SMARCB1: variants seen among roughly 807,000 people sequenced by gnomAD.
SMARCB1 encodes the protein SWI/SNF-related matrix-associated actin-dependent regulator of chromatin subfamily B member 1.
A neutral mutation model predicts 49.0 loss-of-function variants in SMARCB1; 5 were observed. The ratio of observed to expected loss-of-function variants is 0.10; its 90% confidence interval spans 0.05 to 0.21. SMARCB1 has a LOEUF of 0.21. Among genes scored for constraint, SMARCB1 ranks in the 10% least tolerant of loss-of-function variants. SMARCB1 has a pLI of 1.00. For synonymous variants in SMARCB1, 201 were observed against 200.1 expected, an observed-to-expected ratio of 1.00 and a Z score of -0.04; for missense variants, 226 against 509.2, an observed-to-expected ratio of 0.44 and a Z score of 5.35.
At chr22:23,791,464 A>G (rs1328802010) in intron 1 of SMARCB1, among the ~76,000 whole-genome samples, 1 of 152,258 alleles carries the variant, frequency 6.6e-6, no homozygotes, top group Non-Finnish European at 1.5e-5. Flanking sequence ...CCTTAGTCCA[A>G]AATCAAAATC....
At chr22:23,811,982 A>G (rs968072948) in intron 5 of SMARCB1, among the ~76,000 whole-genome samples, 2 of 152,338 alleles carry the variant, frequency 1.3e-5, no homozygotes, top group South Asian at 2.1e-4. Context: ...ATGAAATGGG[A>G]TGTCACCACA....
intron 2 of SMARCB1, chr22:23,792,138 A>C (rs1928420779): frequency 1.9e-6 from 1 of 522,528 alleles, no homozygotes; most frequent in Non-Finnish European, 3.5e-6. Context: ...GGGCCAGGAC[A>C]CTAGCAGGTG....
chr22:23,835,225 A>G lies in SMARCB1; in HGVS notation c.*1045A>G. On this transcript the variant is annotated 3_prime_UTR_variant, in exon 9 of 9. Coordinates refer to ENST00000644036, the MANE Select transcript of SMARCB1 (RefSeq NM_003073.5). Reference sequence around the variant, plus strand: ...AGGAGTTCATGTCCCCTCTGTTCTCATCTGTAATAGGGAGGTGTCCCCATT... The same window carrying G: ...AGGAGTTCATGTCCCCTCTGTTCTCGTCTGTAATAGGGAGGTGTCCCCATT... The G allele has an allele frequency of 8.2e-7, 1 of 1,217,458 alleles. No homozygotes were observed. The highest frequency in any genetic ancestry group is 1.0e-6 in the Non-Finnish European group (1 of 976,780). 75.4% of individuals were successfully genotyped at this position (1,217,458 alleles called of 1,614,324 possible). A position where few individuals can be genotyped will look rare whatever the true frequency, so the allele number is the denominator to read the frequency against.
intron 3 of SMARCB1, 91 bp downstream of exon 3, chr22:23,793,779 C>CA: frequency 4.9e-5 from 49 of 1,003,656 alleles, no homozygotes; most frequent in Non-Finnish European, 6.8e-5. Context: ...TAAATTGAAA[C>CA]ACTTTTTTTT....
intron 7 of SMARCB1, among the ~76,000 whole-genome samples, chr22:23,827,828 G>A (rs573024129): frequency 4.6e-5 from 7 of 152,224 alleles, no homozygotes; most frequent in African/African-American, 9.6e-5. Context: ...ACTCCAACTC[G>A]CGTTCCCCCC....
At chr22:23,798,777 G>C (rs559679749) in intron 3 of SMARCB1, among the ~76,000 whole-genome samples, 2 of 152,212 alleles carry the variant, frequency 1.3e-5, no homozygotes, top group South Asian at 4.1e-4. Flanking sequence ...TCGGCCGGGC[G>C]CGGTGACTGA....
chr22:23,827,949 A>G (rs2030469183), intron 7 of SMARCB1, among the ~76,000 whole-genome samples: 1 of 152,200 alleles, frequency 6.6e-6, no homozygotes, highest in African/African-American at 2.4e-5. Flanking sequence ...AGGCTGGGCC[A>G]CTGAGTCCCC....
intron 1 of SMARCB1, among the ~76,000 whole-genome samples, chr22:23,789,344 C>G (rs537573135): frequency 2.1e-4 from 32 of 152,202 alleles, no homozygotes; most frequent in African/African-American, 7.2e-4. Flanking sequence ...CAAATTTCAG[C>G]CTGTGATACT....
chr22:23,797,924 G>A (rs970776875), intron 3 of SMARCB1, among the ~76,000 whole-genome samples: 1 of 152,112 alleles, frequency 6.6e-6, no homozygotes, highest in African/African-American at 2.4e-5. Flanking sequence ...TGGCCAGAAG[G>A]TTGAATTTTA....
At position 23,787,159 on chromosome 22, in the gene SMARCB1, C is replaced by T. The variant is rs753903024; in HGVS notation, c.-11C>T. 1 of 1,596,656 alleles carries T rather than the reference C, an allele frequency of 6.3e-7. No homozygotes were observed. The highest frequency in any genetic ancestry group is 1.7e-4 in the Middle Eastern group (1 of 6,012). ...GCAGCCCGGCTCCGGCCGCCCGCCT[C>T]TGCCGCCGCAATGATGATGATGGCG... is the stretch of plus-strand genomic sequence containing the variant. On this transcript the variant is annotated 5_prime_UTR_variant, in exon 1 of 9. Coordinates refer to ENST00000644036, the MANE Select transcript of SMARCB1 (RefSeq NM_003073.5).
In SMARCB1 at chr22:23,835,233, T is replaced by C; in HGVS notation, c.*1053T>C. The stretch of plus-strand genomic sequence containing the variant: ...ATGTCCCCTCTGTTCTCATCTGTAA[T>C]AGGGAGGTGTCCCCATTCTTCAGAA... On this transcript the variant is annotated 3_prime_UTR_variant, in exon 9 of 9. Transcript: ENST00000644036. 1 of 1,178,216 alleles carries C rather than the reference T, an allele frequency of 8.5e-7. No homozygotes were observed. The highest frequency in any genetic ancestry group is 1.0e-6 in the Non-Finnish European group (1 of 953,236). 73.0% of individuals were successfully genotyped at this position (1,178,216 alleles called of 1,614,324 possible).
In SMARCB1 at chr22:23,837,899, C is replaced by G; in HGVS notation, c.*3719C>G. On this transcript the variant is annotated 3_prime_UTR_variant, in exon 9 of 9. Coordinates refer to ENST00000644036, the MANE Select transcript of SMARCB1 (RefSeq NM_003073.5). The stretch of plus-strand genomic sequence containing the variant: ...CTCCGGTGCAGGCCTCAGCCCAAGC[C>G]CAGGGCCCCTCTGACTTCCCAAGAC... 6.4e-7 allele frequency: 1 copy of G among 1,566,726 alleles called. No homozygotes were observed. The highest frequency in any genetic ancestry group is 8.7e-7 in the Non-Finnish European group (1 of 1,153,802).
At chr22:23,811,789 A>T (rs939726116) in intron 5 of SMARCB1, among the ~76,000 whole-genome samples, 9 of 152,366 alleles carry the variant, frequency 5.9e-5, no homozygotes, top group African/African-American at 2.2e-4. Context: ...CTCAAGAACC[A>T]AGAGAAACAA....
chr22:23,793,452 T>G (rs1464449729), intron 2 of SMARCB1, 107 bp from the exon 3 acceptor site: 5 of 1,211,264 alleles, frequency 4.1e-6, no homozygotes, highest in Non-Finnish European at 6.1e-6. Flanking sequence ...ACACCTTGCT[T>G]TTCCCACCTC....
intron 5 of SMARCB1, among the ~76,000 whole-genome samples, chr22:23,809,863 A>G (rs1409441544): frequency 6.6e-6 from 1 of 152,052 alleles, no homozygotes; most frequent in African/African-American, 2.4e-5. Context: ...CTTAGTCAAG[A>G]CATTCTTAGA....
At chr22:23,793,785 T>TG (rs1356925354) in intron 3 of SMARCB1, 97 bp downstream of exon 3, 13 of 1,258,992 alleles carry the variant, frequency 1.0e-5, no homozygotes, top group African/African-American at 3.0e-5. Flanking sequence ...GAAACACTTT[T>TG]TTTTTTTTTT....
chr22:23,808,422 A>T (rs1187977171), intron 5 of SMARCB1, among the ~76,000 whole-genome samples: 3 of 151,966 alleles, frequency 2.0e-5, no homozygotes, highest in Non-Finnish European at 4.4e-5. Flanking sequence ...CGCCTGGCCA[A>T]TTTTTTGTAT....
At chr22:23,830,896 T>C (rs1226683630) in intron 7 of SMARCB1, among the ~76,000 whole-genome samples, 2 of 152,106 alleles carry the variant, frequency 1.3e-5, no homozygotes. Context: ...CTTGACCTCA[T>C]AATCCGCCCG....
chr22:23,812,101 G>A (rs542482861), intron 5 of SMARCB1, among the ~76,000 whole-genome samples: 1 of 152,136 alleles, frequency 6.6e-6, no homozygotes, highest in African/African-American at 2.4e-5. Context: ...CTCATCCAAT[G>A]TCAAATAGAT....
Sources: gnomAD v4.1 joint callset for allele counts (sites outside exome capture counted in the v4.1 genomes callset) on GRCh38, gnomAD v4.1.1 for gene constraint, MANE v1.5 for transcripts, NCBI Gene and HGNC (gene_info 2026-07-23, HGNC 2026-07-21) for gene names.